The following RNF217 variants were observed in gnomAD, a reference collection of about 807,000 sequenced individuals.
RNF217 encodes E3 ubiquitin-protein ligase RNF217.
In RNF217, 31 loss-of-function variants were observed where a neutral mutation model predicts 57.8. The observed-to-expected ratio is 0.54, with a 90% CI of 0.40 to 0.72. The LOEUF is 0.72. RNF217 is among the 30% of genes least tolerant of loss of function. The pLI is 0.00. For missense variants in RNF217, 696 were observed against 708.3 expected (o/e 0.98, Z 0.20); for synonymous variants, 313 against 294.0 (o/e 1.06, Z -0.66).
chr6:124,995,080 G>T (rs1277703860), intron 1 of RNF217, among the ~76,000 whole-genome samples: 2 of 152,100 alleles, frequency 1.3e-5, no homozygotes, highest in African/African-American at 4.8e-5. Context: ...GACTATATTT[G>T]TACCCTTGAG....
chr6:124,996,837 A>G (rs567091980), intron 1 of RNF217, among the ~76,000 whole-genome samples: 1 of 152,268 alleles, frequency 6.6e-6, no homozygotes, highest in Non-Finnish European at 1.5e-5. Context: ...TTACTTATCT[A>G]TTTTTTACTA....
At chr6:125,027,143 T>C (rs1786130773) in intron 1 of RNF217, among the ~76,000 whole-genome samples, 1 of 152,188 alleles carries the variant, frequency 6.6e-6, no homozygotes, top group Non-Finnish European at 1.5e-5. Context: ...GTATTTATCC[T>C]TTGAGTTACA....
chr6:124,978,116 A>G (rs1784034558), intron 1 of RNF217, among the ~76,000 whole-genome samples: 2 of 152,186 alleles, frequency 1.3e-5, no homozygotes, highest in Admixed American at 1.3e-4. Context: ...AGAATAGTCC[A>G]TGGTCCAGCT....
intron 1 of RNF217, among the ~76,000 whole-genome samples, chr6:125,019,013 C>T (rs1479116790): frequency 6.6e-6 from 1 of 152,144 alleles, no homozygotes; most frequent in Non-Finnish European, 1.5e-5. Context: ...AAGTGTACAG[C>T]CCCAAGGAAA....
At chr6:125,034,949 C>G (rs1028589219) in intron 1 of RNF217, among the ~76,000 whole-genome samples, 2 of 152,106 alleles carry the variant, frequency 1.3e-5, no homozygotes, top group African/African-American at 2.4e-5. Flanking sequence ...ATTTTATTCT[C>G]TTTGAAGCAA....
intron 3 of RNF217, among the ~76,000 whole-genome samples, chr6:125,076,144 A>C (rs73772624): frequency 0.014 from 2,171 of 152,272 alleles, 48 homozygotes; most frequent in African/African-American, 0.047. Context: ...GAAAACTAAA[A>C]AGGTATTGCA....
chr6:125,024,851 A>T (rs1582722024), intron 1 of RNF217, among the ~76,000 whole-genome samples: 1 of 152,156 alleles, frequency 6.6e-6, no homozygotes, highest in Non-Finnish European at 1.5e-5. Context: ...TAGATATCAG[A>T]AGCTTAGTAT....
intron 1 of RNF217, among the ~76,000 whole-genome samples, chr6:125,016,145 G>A (rs1785593847): frequency 6.6e-6 from 1 of 152,142 alleles, no homozygotes; most frequent in Non-Finnish European, 1.5e-5. Context: ...GATAGATGAA[G>A]TCTGTAAGCA....
chr6:125,040,575 C>T (rs958663706), intron 1 of RNF217, among the ~76,000 whole-genome samples: 10 of 152,104 alleles, frequency 6.6e-5, no homozygotes, highest in Non-Finnish European at 1.5e-4. Context: ...GGGACTCCTC[C>T]GTAACTCATT....
In RNF217 at chr6:125,090,583, A is replaced by G. The variant is rs1406256351; in HGVS notation, c.*7646A>G. 1 of 151,746 alleles carries G rather than the reference A, an allele frequency of 6.6e-6. No individual in the cohort carries two copies. Among genetic ancestry groups the G allele is most frequent in the African/African-American group, 2.4e-5 (1 of 41,452 alleles). 9.4% of individuals were successfully genotyped at this position (151,746 alleles called of 1,614,324 possible). A position where few individuals can be genotyped will look rare whatever the true frequency, so the allele number is the denominator to read the frequency against. On this transcript the variant is annotated 3_prime_UTR_variant, in exon 6 of 6. Coordinates refer to ENST00000521654, the MANE Select transcript of RNF217 (RefSeq NM_001286398.3). ...TGTCATCCTCTAAGTATCAGAATGT[A>G]TTCCATTTTAATTATATTCTCCTTA...
At chr6:125,051,115 T>C (rs1787297586) in intron 2 of RNF217, among the ~76,000 whole-genome samples, 1 of 151,988 alleles carries the variant, frequency 6.6e-6, no homozygotes, top group South Asian at 2.1e-4. Context: ...ACAATATTTT[T>C]AGAGGTTTTT....
intron 3 of RNF217, among the ~76,000 whole-genome samples, chr6:125,069,817 T>G (rs1174330848): frequency 6.6e-6 from 1 of 152,176 alleles, no homozygotes; most frequent in Admixed American, 6.6e-5. Context: ...TTTTTTGACT[T>G]TTTAATAATA....
intron 3 of RNF217, among the ~76,000 whole-genome samples, chr6:125,073,746 C>T (rs1788242265): frequency 6.6e-6 from 1 of 152,082 alleles, no homozygotes; most frequent in Non-Finnish European, 1.5e-5. Context: ...GACTGCCTGG[C>T]AGTCCAGGAA....
intron 3 of RNF217, among the ~76,000 whole-genome samples, chr6:125,075,072 C>T (rs1405551574): frequency 6.6e-6 from 1 of 152,178 alleles, no homozygotes; most frequent in Admixed American, 6.5e-5. Context: ...ACCTGTGGAC[C>T]ACTTGCTGCC....
intron 1 of RNF217, among the ~76,000 whole-genome samples, chr6:124,972,012 C>T (rs72967607): frequency 0.28 from 42,914 of 152,046 alleles, 7,349 homozygotes; most frequent in South Asian, 0.46. Context: ...GTCATATAGC[C>T]ATCTCTCTCC....
intron 1 of RNF217, among the ~76,000 whole-genome samples, chr6:125,029,021 T>C (rs1298032687): frequency 6.6e-6 from 1 of 152,196 alleles, no homozygotes; most frequent in African/African-American, 2.4e-5. Flanking sequence ...GTATTGAAAT[T>C]ACCCAAAGAA....
intron 1 of RNF217, among the ~76,000 whole-genome samples, chr6:125,020,972 G>A (rs943520710): frequency 1.3e-5 from 2 of 152,096 alleles, no homozygotes; most frequent in Non-Finnish European, 1.5e-5. Flanking sequence ...ATCATGGCAA[G>A]TTGTAATTAC....
intron 1 of RNF217, among the ~76,000 whole-genome samples, chr6:125,024,100 G>T (rs977290887): frequency 2.0e-5 from 3 of 152,156 alleles, no homozygotes; most frequent in African/African-American, 7.2e-5. Flanking sequence ...AAATAAATAT[G>T]TGAGGTAAAC....
chr6:124,976,766 A>G (rs762064522), intron 1 of RNF217, among the ~76,000 whole-genome samples: 12 of 152,136 alleles, frequency 7.9e-5, no homozygotes, highest in South Asian at 2.1e-4. Context: ...GGGCCTCCCA[A>G]AGTGCTGGGA....
Sources: allele counts gnomAD v4.1 joint callset (sites outside exome capture counted in the v4.1 genomes callset), GRCh38; gene constraint gnomAD v4.1.1; transcripts MANE v1.5; gene names NCBI Gene and HGNC (gene_info 2026-07-23, HGNC 2026-07-21).